Variants in CA10 observed in about 807,000 individuals in gnomAD.
The protein encoded by CA10 is carbonic anhydrase 10 (inactive), also known as carbonic anhydrase-related protein 10.
CA10 carries 14 observed loss-of-function variants against 44.2 expected under a neutral mutation model. The observed-to-expected ratio is 0.32, with a 90% CI of 0.21 to 0.50. The LOEUF (loss-of-function observed/expected upper bound fraction) is 0.50. CA10 is among the 20% of genes least tolerant of loss of function. CA10 has a pLI of 0.99. For missense variants in CA10, 350 were observed against 409.7 expected (o/e 0.85, Z 1.26); for synonymous variants, 159 against 141.6 (o/e 1.12, Z -0.87).
Position 51,858,211 on chromosome 17 carries a change from A to G in CA10, c.279+72779T>C, listed in dbSNP as rs543195643. The stretch of plus-strand genomic sequence containing the variant: ...TAGTTTTCTTTGGAGAAGATTAAAA[A>G]TAAAGAAAACCATATGTTCCACTTT... On this transcript the variant is annotated intron_variant, in intron 3 of 8. Coordinates refer to ENST00000451037, the MANE Select transcript of CA10 (RefSeq NM_020178.5). Among the ~76,000 whole-genome samples, 4 of 152,328 alleles carry G rather than the reference A, an allele frequency of 2.6e-5. No individual in the cohort carries two copies. In the East Asian group the frequency reaches 7.7e-4, roughly 29 times the overall value.
intron 3 of CA10, among the ~76,000 whole-genome samples, chr17:51,860,838 C>A (rs1386398524): frequency 6.6e-6 from 1 of 152,072 alleles, no homozygotes; most frequent in Non-Finnish European, 1.5e-5. Context: ...CATCTTGATA[C>A]ACTAAGATTT....
chr17:52,156,189 G>T (rs983106302), intron 1 of CA10, among the ~76,000 whole-genome samples: 9 of 152,192 alleles, frequency 5.9e-5, no homozygotes, highest in Non-Finnish European at 1.2e-4. Context: ...TCTGGAACAA[G>T]AGAGAGAGTT....
At chr17:51,677,896 C>G (rs117141525) in intron 4 of CA10, among the ~76,000 whole-genome samples, 5 of 142,292 alleles carry the variant, frequency 3.5e-5, no homozygotes, top group Admixed American at 7.1e-5. Context: ...CCCCCCCCCC[C>G]ACCGGCTGCC....
intron 2 of CA10, among the ~76,000 whole-genome samples, chr17:52,021,095 T>G (rs1309334577): frequency 6.6e-6 from 1 of 152,014 alleles, no homozygotes; most frequent in African/African-American, 2.4e-5. Flanking sequence ...AACCTACTCA[T>G]GTACCCCCTG....
chr17:51,796,437 G>T (rs1301794247), intron 3 of CA10, among the ~76,000 whole-genome samples: 1 of 152,160 alleles, frequency 6.6e-6, no homozygotes, highest in Non-Finnish European at 1.5e-5. Context: ...CTGTCCTGAG[G>T]CCATTCTAGG....
chr17:51,800,630 A>C (rs1000353242), intron 3 of CA10, among the ~76,000 whole-genome samples: 3 of 152,214 alleles, frequency 2.0e-5, no homozygotes, highest in African/African-American at 4.8e-5. Flanking sequence ...AAGAGACACC[A>C]TTATTTAATA....
intron 4 of CA10, among the ~76,000 whole-genome samples, chr17:51,694,969 G>A (rs980524648): frequency 1.3e-5 from 2 of 152,040 alleles, no homozygotes; most frequent in Non-Finnish European, 2.9e-5. Flanking sequence ...TTAGCCATGG[G>A]TGTATGGCTT....
At chr17:51,641,129 C>G (rs1335604783) in intron 6 of CA10, among the ~76,000 whole-genome samples, 1 of 97,786 alleles carries the variant, frequency 1.0e-5, no homozygotes, top group Non-Finnish European at 2.3e-5. Context: ...CCTATCCCCT[C>G]TTTCTCTCTC....
intron 2 of CA10, among the ~76,000 whole-genome samples, chr17:52,051,793 G>A (rs927919440): frequency 2.0e-5 from 3 of 151,912 alleles, no homozygotes; most frequent in African/African-American, 7.3e-5. Flanking sequence ...TACCCAAAAG[G>A]ACATAAATCA....
intron 2 of CA10, among the ~76,000 whole-genome samples, chr17:51,957,184 G>A (rs1218722393): frequency 6.6e-6 from 1 of 152,136 alleles, no homozygotes; most frequent in African/African-American, 2.4e-5. Context: ...GTAGAACTTG[G>A]ATTTATTTCG....
intron 6 of CA10, among the ~76,000 whole-genome samples, chr17:51,638,230 C>T (rs886585769): frequency 6.6e-6 from 1 of 152,210 alleles, no homozygotes; most frequent in East Asian, 1.9e-4. Flanking sequence ...CACAATTTGC[C>T]TACTCCATTC....
chr17:51,989,795 A>G (rs1423861109), intron 2 of CA10, among the ~76,000 whole-genome samples: 1 of 152,084 alleles, frequency 6.6e-6, no homozygotes, highest in Non-Finnish European at 1.5e-5. Context: ...ATCCAGCCCA[A>G]TCATTTTCTA....
Position 52,158,219 on chromosome 17 carries a change from C to T in CA10, c.-433G>A, listed in dbSNP as rs566511183. 4.0e-6 allele frequency: 1 copy of T among 252,172 alleles called. No homozygotes were observed. The highest frequency in any genetic ancestry group is 1.2e-4 in the East Asian group (1 of 8,610). 15.6% of individuals were successfully genotyped at this position (252,172 alleles called of 1,614,324 possible). A position where few individuals can be genotyped will look rare whatever the true frequency, so the allele number is the denominator to read the frequency against. On this transcript the variant is annotated 5_prime_UTR_variant, in exon 1 of 9. Coordinates refer to ENST00000451037, the MANE Select transcript of CA10 (RefSeq NM_020178.5). ...CAAGAAGACATAGACGATAGCCCCC[C>T]GCCGGGCTGCGCCGTGCAATTCCGG...
At position 51,875,377 on chromosome 17, in the gene CA10, TAGA is replaced by T. The variant is rs1980023411; in HGVS notation, c.279+55610_279+55612del. ...GACTGATGGAGAACCATGGTATTATTAGAAGGTTACCAAGTCACCGTGATACAC... is the reference window on the plus strand; with the variant it reads ...GACTGATGGAGAACCATGGTATTATTAGGTTACCAAGTCACCGTGATACAC... On this transcript the variant is annotated intron_variant, in intron 3 of 8. Coordinates refer to ENST00000451037, the MANE Select transcript of CA10 (RefSeq NM_020178.5). 2.6e-5 allele frequency among the ~76,000 whole-genome samples: 4 copies of T among 152,200 alleles called. No homozygotes were observed. The South Asian group carries it at 8.3e-4, about 31-fold the overall frequency.
At chr17:51,785,018 A>G (rs1198607200) in intron 3 of CA10, among the ~76,000 whole-genome samples, 2 of 152,226 alleles carry the variant, frequency 1.3e-5, no homozygotes, top group African/African-American at 4.8e-5. Flanking sequence ...ATAAGTGAGA[A>G]CATGCAATGT....
intron 1 of CA10, among the ~76,000 whole-genome samples, chr17:52,102,837 A>T (rs1200364338): frequency 6.6e-6 from 1 of 152,196 alleles, no homozygotes; most frequent in Non-Finnish European, 1.5e-5. Flanking sequence ...ACTAAGAATG[A>T]TGTTTCATTC....
intron 4 of CA10, among the ~76,000 whole-genome samples, chr17:51,718,798 T>C (rs1916260297): frequency 6.6e-6 from 1 of 152,194 alleles, no homozygotes; most frequent in African/African-American, 2.4e-5. Flanking sequence ...TGCTGCAGAA[T>C]TGATTGCTTG....
At chr17:51,657,711 G>T (rs1913845901) in intron 4 of CA10, among the ~76,000 whole-genome samples, 1 of 152,132 alleles carries the variant, frequency 6.6e-6, no homozygotes, top group Non-Finnish European at 1.5e-5. Context: ...TACCTTAACT[G>T]AGCCCCAACT....
chr17:51,947,008 T>C (rs7225947), intron 2 of CA10, among the ~76,000 whole-genome samples: 21,355 of 151,896 alleles, frequency 0.14, 1,888 homozygotes, highest in South Asian at 0.32. Flanking sequence ...GGTATCTAAA[T>C]TGAAAAATAA....
Sources: allele counts gnomAD v4.1 joint callset (sites outside exome capture counted in the v4.1 genomes callset), GRCh38; gene constraint gnomAD v4.1.1; transcripts MANE v1.5; gene names NCBI Gene and HGNC (gene_info 2026-07-23, HGNC 2026-07-21).